Variants in TAOK3 observed in about 807,000 individuals in gnomAD.
TAOK3 encodes TAO kinase 3.
Under a neutral mutation model 120.4 loss-of-function variants are expected in TAOK3, and 40 were observed. The ratio of observed to expected loss-of-function variants is 0.33; its 90% CI spans 0.26 to 0.43. TAOK3 has a LOEUF of 0.43. TAOK3 is among the 20% of genes least tolerant of loss of function. The pLI is 1.00. For synonymous variants in TAOK3, 355 were observed against 387.5 expected, an observed-to-expected ratio of 0.92 and a Z score of 0.99; for missense variants, 821 against 1,112.1, an observed-to-expected ratio of 0.74 and a Z score of 3.72.
intron 11 of TAOK3, among the ~76,000 whole-genome samples, chr12:118,203,840 A>T (rs2038155135): frequency 6.6e-6 from 1 of 152,214 alleles, no homozygotes. Flanking sequence ...AAATTTCATG[A>T]CTAACAGACC....
At chr12:118,264,753 T>G (rs2041370538) in intron 2 of TAOK3, among the ~76,000 whole-genome samples, 1 of 152,142 alleles carries the variant, frequency 6.6e-6, no homozygotes, top group African/African-American at 2.4e-5. Flanking sequence ...TTGAAATAAG[T>G]CTGGGTGTGG....
At chr12:118,299,556 A>T (rs1314383186) in intron 1 of TAOK3, among the ~76,000 whole-genome samples, 2 of 152,206 alleles carry the variant, frequency 1.3e-5, no homozygotes. Flanking sequence ...GTCACCCAGG[A>T]TGGAGTGCAG....
intron 1 of TAOK3, among the ~76,000 whole-genome samples, chr12:118,305,557 T>C (rs934562845): frequency 9.2e-5 from 14 of 152,154 alleles, no homozygotes; most frequent in South Asian, 2.1e-4. Flanking sequence ...ATAGAGAACA[T>C]ATATATCAAC....
chr12:118,184,623 C>T (rs1034468065), intron 14 of TAOK3, among the ~76,000 whole-genome samples: 26 of 152,116 alleles, frequency 1.7e-4, no homozygotes, highest in Admixed American at 1.6e-3. Flanking sequence ...AGGGAATCAA[C>T]ACCCAAAAAA....
chr12:118,274,366 G>A (rs2041833938), intron 1 of TAOK3, among the ~76,000 whole-genome samples: 1 of 152,032 alleles, frequency 6.6e-6, no homozygotes, highest in African/African-American at 2.4e-5. Context: ...ATTTCTACGT[G>A]GCAAATAATG....
intron 8 of TAOK3, among the ~76,000 whole-genome samples, chr12:118,235,248 C>G (rs372280482): frequency 6.6e-6 from 1 of 152,038 alleles, no homozygotes; most frequent in Admixed American, 6.6e-5. Context: ...GGAGGCTTTG[C>G]CTCAAGAGAA....
intron 13 of TAOK3, chr12:118,190,218 T>C (rs933401311): frequency 1.1e-4 from 43 of 376,644 alleles, no homozygotes; most frequent in African/African-American, 7.7e-4. Flanking sequence ...AAAAAAAGAA[T>C]AGAAAAAATA....
intron 17 of TAOK3, among the ~76,000 whole-genome samples, chr12:118,166,585 T>C (rs1170946598): frequency 2.6e-5 from 4 of 152,188 alleles, no homozygotes; most frequent in East Asian, 1.9e-4. Context: ...TTTCCTGTTT[T>C]ATACTTTTTC....
intron 1 of TAOK3, among the ~76,000 whole-genome samples, chr12:118,311,617 TA>T (rs1426189478): frequency 2.1e-5 from 1 of 46,994 alleles, no homozygotes; most frequent in African/African-American, 9.8e-5. Flanking sequence ...TAGAGTTGAA[TA>T]ATTTTTTTTT....
At chr12:118,227,927 A>C (rs2039584650) in intron 9 of TAOK3, among the ~76,000 whole-genome samples, 1 of 152,196 alleles carries the variant, frequency 6.6e-6, no homozygotes, top group Non-Finnish European at 1.5e-5. Flanking sequence ...AATTTTTGAA[A>C]AGTTCAATTA....
At chr12:118,326,637 T>G (rs896728948) in intron 1 of TAOK3, among the ~76,000 whole-genome samples, 1 of 152,222 alleles carries the variant, frequency 6.6e-6, no homozygotes, top group Admixed American at 6.5e-5. Flanking sequence ...TACTTAATTT[T>G]TGTAATCATG....
intron 1 of TAOK3, among the ~76,000 whole-genome samples, chr12:118,349,590 A>G (rs781757067): frequency 1.3e-5 from 2 of 152,208 alleles, no homozygotes; most frequent in Non-Finnish European, 2.9e-5. Context: ...AGTGCTTACC[A>G]GGGGTTGGGG....
intron 14 of TAOK3, 114 bp from the exon 15 acceptor site, chr12:118,181,721 T>G: frequency 1.2e-6 from 1 of 848,772 alleles, no homozygotes; most frequent in Non-Finnish European, 1.9e-6. Context: ...ACCATCAATT[T>G]ACCTACTGTT....
intron 16 of TAOK3, among the ~76,000 whole-genome samples, chr12:118,173,996 AGAGTAAGCTG>A (rs1593034213): frequency 6.6e-6 from 1 of 152,342 alleles, no homozygotes; most frequent in East Asian, 1.9e-4. Context: ...TGTTGTTTTC[AGAGTAAGCTG>A]GAGTAAGCTG....
At chr12:118,270,609 T>C (rs935951769) in intron 1 of TAOK3, among the ~76,000 whole-genome samples, 13 of 152,036 alleles carry the variant, frequency 8.6e-5, no homozygotes, top group African/African-American at 2.4e-4. Flanking sequence ...TTTGTCTAAG[T>C]TGTGTCCTCT....
rs537472813 is a variant in TAOK3, at chr12:118,244,768, G to T, written c.192+126C>A. On this transcript the variant is annotated intron_variant, in intron 4 of 20. Coordinates refer to ENST00000392533, the MANE Select transcript of TAOK3 (RefSeq NM_016281.4). ...TGGTCTCAATCTCCCGACCTCGTGA[G>T]CCGCCCACCTCGGCCTCGCAAAGTG... 1.0e-4 allele frequency: 62 copies of T among 606,186 alleles called. 2 individuals carry two copies. Among genetic ancestry groups the T allele is most frequent in the South Asian group, 9.4e-4 (61 of 64,866 alleles). 37.6% of individuals were successfully genotyped at this position (606,186 alleles called of 1,614,324 possible).
At chr12:118,237,785 A>G (rs888371235) in intron 7 of TAOK3, among the ~76,000 whole-genome samples, 1 of 152,204 alleles carries the variant, frequency 6.6e-6, no homozygotes, top group African/African-American at 2.4e-5. Context: ...TTTCTTCATG[A>G]CACAGTATCT....
At chr12:118,298,232 A>G (rs1303132989) in intron 1 of TAOK3, among the ~76,000 whole-genome samples, 2 of 152,364 alleles carry the variant, frequency 1.3e-5, no homozygotes, top group East Asian at 3.9e-4. Context: ...AATTGTAAGT[A>G]ACAAATCAGA....
chr12:118,234,212 ATTTTTTTTTTTTTTTTTTTT>A (rs763473530), intron 8 of TAOK3, among the ~76,000 whole-genome samples: 2 of 58,320 alleles, frequency 3.4e-5, no homozygotes, highest in African/African-American at 7.0e-5. Flanking sequence ...AAAGCAGGAA[ATTTTTTTTTTTTTTTTTTTT>A]TTTTTTTTTT....
Sources: allele counts gnomAD v4.1 joint callset (sites outside exome capture counted in the v4.1 genomes callset), GRCh38; gene constraint gnomAD v4.1.1; transcripts MANE v1.5; gene names NCBI Gene and HGNC (gene_info 2026-07-23, HGNC 2026-07-21).